AP4M1: variants seen among roughly 807,000 people sequenced by gnomAD.
The protein encoded by AP4M1 is AP-4 complex subunit mu-1.
Under a neutral mutation model 62.4 loss-of-function variants are expected in AP4M1, and 58 were observed. The ratio of observed to expected loss-of-function variants is 0.93; its 90% CI spans 0.75 to 1.16. The LOEUF (loss-of-function observed/expected upper bound fraction) is 1.16. Ranked by LOEUF, AP4M1 falls within the 50% of genes most tolerant of loss-of-function variation. The pLI, the probability that AP4M1 is intolerant of heterozygous loss-of-function variation, is 0.00. For missense variants in AP4M1, 626 were observed against 585.4 expected, an observed-to-expected ratio of 1.07 and a Z score of -0.72; for synonymous variants, 290 against 239.7, an observed-to-expected ratio of 1.21 and a Z score of -1.94.
At chr7:100,104,777 G>A (rs1796324216) in intron 7 of AP4M1, 97 bp from the exon 8 acceptor site, 1 of 1,379,216 alleles carries the variant, frequency 7.3e-7, no homozygotes, top group Non-Finnish European at 1.0e-6. Flanking sequence ...GTTGCAGTGA[G>A]CCGAGATCAC....
Position 100,108,805 on chromosome 7 carries a change from TG to T in AP4M1, c.*1926del. ...TATCCCAGCACTTGGGAGGCTGAGG[TG>T]GGTGGATCACTTGAGGTCAAGAGCC... On this transcript the variant is annotated 3_prime_UTR_variant, in exon 15 of 15. Coordinates refer to ENST00000359593, the MANE Select transcript of AP4M1 (RefSeq NM_004722.4). 3.1e-6 allele frequency: 1 copy of T among 324,094 alleles called. No homozygotes were observed. Among genetic ancestry groups the T allele is most frequent in the Non-Finnish European group, 5.6e-6 (1 of 177,272 alleles). The allele number at this position is 324,094 out of a possible 1,614,324, so 20.1% of individuals were successfully genotyped here. A position where few individuals can be genotyped will look rare whatever the true frequency, so the allele number is the denominator to read the frequency against.
Position 100,108,397 on chromosome 7 carries a change from C to T in AP4M1, c.*1515C>T. 6.2e-7 allele frequency: 1 copy of T among 1,612,022 alleles called. No homozygotes were observed. The highest frequency in any genetic ancestry group is 8.5e-7 in the Non-Finnish European group (1 of 1,178,482). On this transcript the variant is annotated 3_prime_UTR_variant, in exon 15 of 15. Coordinates refer to ENST00000359593, the MANE Select transcript of AP4M1 (RefSeq NM_004722.4). ...TGATGGTCAGAGTGGTCCTGTTGAC[C>T]TGCTGAGCCTGCAGAGCAGCCTGGG...
At chr7:100,102,606 G>A (rs1306284029) in intron 2 of AP4M1, 69 bp from the exon 3 acceptor site, 2 of 1,403,576 alleles carry the variant, frequency 1.4e-6, no homozygotes, top group African/African-American at 2.8e-5. Flanking sequence ...TCCGAGCTCA[G>A]GTCTCCTGGG....
At chr7:100,100,974 G>T, upstream of AP4M1, 5 of 961,268 alleles carry the variant, frequency 5.2e-6, no homozygotes, top group Non-Finnish European at 7.2e-6. Flanking sequence ...TCCTGGGCGC[G>T]ACTTTTCCCT....
At chr7:100,102,584 G>C in intron 2 of AP4M1, 91 bp from the exon 3 acceptor site, 1 of 1,093,036 alleles carries the variant, frequency 9.1e-7, no homozygotes, top group Non-Finnish European at 1.4e-6. Flanking sequence ...TGACTAGTAA[G>C]AGGCATCGGG....
At position 100,106,675 on chromosome 7, in the gene AP4M1, C is replaced by T; in HGVS notation, c.1155C>T (p.Pro385=). The T allele has an allele frequency of 6.2e-7, 1 of 1,613,464 alleles. No individual in the cohort carries two copies. The highest frequency in any genetic ancestry group is 8.5e-7 in the Non-Finnish European group (1 of 1,180,008). The change falls in exon 15 of 15, where the codon CCC becomes CCT. Residue 385 remains proline (P), a synonymous_variant. Coordinates refer to ENST00000359593, the MANE Select transcript of AP4M1 (RefSeq NM_004722.4). Reference sequence around the variant, plus strand: ...CCTCACAGATGGACGTCCCAGGGCCCCCAGGACCTCCCAGCCATGGGCTCT... The same window carrying T: ...CCTCACAGATGGACGTCCCAGGGCCTCCAGGACCTCCCAGCCATGGGCTCT... ...SGLFQMDVPG[P]PGPPSHGLST...
Position 100,101,743 on chromosome 7 carries a change from C to T in AP4M1, c.29C>T (p.Ser10Phe). 1 of 1,613,900 alleles carries T rather than the reference C, an allele frequency of 6.2e-7. No homozygotes were observed. The highest frequency in any genetic ancestry group is 1.1e-5 in the South Asian group (1 of 91,080). ...ATTTCCCAATTCTTCATTCTGTCCT[C>T]CAAGGGGGACCCGCTCATCTACAAA... is the stretch of plus-strand genomic sequence containing the variant. MISQFFILS[S>F]KGDPLIYKDF... Residue 10 changes from serine (S) to phenylalanine (F), a missense_variant, in exon 1 of 15, where the codon TCC (serine) becomes TTC (phenylalanine). By Grantham distance (155) the Ser-to-Phe change is radical. Transcript: ENST00000359593.
In AP4M1 at chr7:100,108,070, A is replaced by C. The variant is rs754052943; in HGVS notation, c.*1188A>C. On this transcript the variant is annotated 3_prime_UTR_variant, in exon 15 of 15. Coordinates refer to ENST00000359593, the MANE Select transcript of AP4M1 (RefSeq NM_004722.4). ...TGGAGCCAGGAACCTTCAGCAAGCCAGGGGTGCGAGGGCCAGGCTGTGGGG... is the reference window on the plus strand; with the variant it reads ...TGGAGCCAGGAACCTTCAGCAAGCCCGGGGTGCGAGGGCCAGGCTGTGGGG... The C allele has an allele frequency of 1.1e-5, 18 of 1,611,912 alleles. No homozygotes were observed. Among genetic ancestry groups the C allele is most frequent in the Non-Finnish European group, 1.5e-5 (18 of 1,179,568 alleles).
rs201837123 is a variant in AP4M1 at position 100,103,402 on chromosome 7, C to T, written c.352-7C>T. 5 of 1,611,134 alleles carry T rather than the reference C, an allele frequency of 3.1e-6. No homozygotes were observed. Among genetic ancestry groups the T allele is most frequent in the Admixed American group, 3.3e-5 (2 of 59,978 alleles). The stretch of plus-strand genomic sequence containing the variant: ...GATCACTCAGACTGTCCTTCCTTTA[C>T]CACTAGGACTATGGCTATGTACAGA... On this transcript the variant is annotated splice_region_variant and splice_polypyrimidine_tract_variant and intron_variant, in intron 4 of 14. Transcript: ENST00000359593.
At chr7:100,103,369 C>T in intron 4 of AP4M1, 40 bp from the exon 5 acceptor site, 4 of 1,561,080 alleles carry the variant, frequency 2.6e-6, no homozygotes, top group South Asian at 1.1e-5. Flanking sequence ...TTACCCCTTC[C>T]CTCCACTGAT....
At chr7:100,104,006 G>GA (rs1796272594) in intron 6 of AP4M1, 86 bp from the exon 7 acceptor site, 1 of 1,212,362 alleles carries the variant, frequency 8.2e-7, no homozygotes. Context: ...CTGTAGCTTT[G>GA]ACTGTCCTGT....
chr7:100,105,331 AC>A lies in AP4M1; in HGVS notation c.821del (p.Pro274HisfsTer6). 6.2e-7 allele frequency: 1 copy of A among 1,613,966 alleles called. No individual in the cohort carries two copies. Among genetic ancestry groups the A allele is most frequent in the Non-Finnish European group, 8.5e-7 (1 of 1,179,980 alleles). On this transcript the variant is annotated frameshift_variant, in exon 10 of 15. Transcript: ENST00000359593. LOFTEE classifies it high-confidence loss of function. ...FESHRILRLQ[P>X]PQGELTVMRY... is the part of the protein sequence containing the mutation. ...AGTCTCATCGAATCCTCCGCTTGCAACCACCTCAGGGCGAGGTCAGGGTTGG... is the reference window on the plus strand; with the variant it reads ...AGTCTCATCGAATCCTCCGCTTGCAACACCTCAGGGCGAGGTCAGGGTTGG...
rs149326211 is a variant in AP4M1, at chr7:100,106,271, C to A, written c.1005C>A (p.Pro335=). 2.5e-6 allele frequency: 4 copies of A among 1,613,996 alleles called. No individual in the cohort carries two copies. The East Asian group carries it at 6.7e-5, about 27-fold the overall frequency. ...SQALNVRLHL[P]LPRGVVSLSQ... is the part of the protein sequence containing the mutation. Reference sequence around the variant, plus strand: ...CCCTCAATGTCAGGCTGCACCTCCCCCTGCCTCGAGGGGTGGTCAGGTGAG... The same window carrying A: ...CCCTCAATGTCAGGCTGCACCTCCCACTGCCTCGAGGGGTGGTCAGGTGAG... The change falls in exon 13 of 15, where the codon CCC becomes CCA. Residue 335 remains proline (P), a synonymous_variant. Transcript: ENST00000359593.
At chr7:100,106,077 C>T in intron 12 of AP4M1, 74 bp downstream of exon 12, 1 of 1,573,876 alleles carries the variant, frequency 6.4e-7, no homozygotes, top group Non-Finnish European at 8.7e-7. Flanking sequence ...TGCTGCTTCT[C>T]CCTTCAGATG....
Position 100,104,960 on chromosome 7 carries a change from G to A in AP4M1, c.673+20G>A. 1 of 1,614,190 alleles carries A rather than the reference G, an allele frequency of 6.2e-7. No homozygotes were observed. The highest frequency in any genetic ancestry group is 8.5e-7 in the Non-Finnish European group (1 of 1,180,028). On this transcript the variant is annotated intron_variant, in intron 8 of 14. Coordinates refer to ENST00000359593, the MANE Select transcript of AP4M1 (RefSeq NM_004722.4). ...GCTCTGGTGAGGCATCTGCAGGCAG[G>A]ACCAAGGGTTGGGGTTAGGGCGGGT...
chr7:100,107,230 G>A lies in AP4M1; in HGVS notation c.*348G>A, dbSNP rs781181541. The A allele has an allele frequency of 4.6e-6, 7 of 1,520,136 alleles. No individual in the cohort carries two copies. The highest frequency in any genetic ancestry group is 6.2e-6 in the Non-Finnish European group (7 of 1,137,156). The allele number at this position is 1,520,136 out of a possible 1,614,324, so 94.2% of individuals were successfully genotyped here. On this transcript the variant is annotated 3_prime_UTR_variant, in exon 15 of 15. Transcript: ENST00000359593. ...TGTCTGCATGTGTGGGAATCCGGGG[G>A]CTGGCAGGTGGAGCATCACGGAGCA...
upstream of AP4M1, chr7:100,100,969 G>A: frequency 2.0e-6 from 2 of 1,008,056 alleles, no homozygotes; most frequent in East Asian, 3.2e-5. Context: ...TGAGGTCCTG[G>A]GCGCGACTTT....
chr7:100,107,623 C>T lies in AP4M1; in HGVS notation c.*741C>T, dbSNP rs1209677379. On this transcript the variant is annotated 3_prime_UTR_variant, in exon 15 of 15. Coordinates refer to ENST00000359593, the MANE Select transcript of AP4M1 (RefSeq NM_004722.4). ...GGGGCCGAGGTGCTGAGGGACAGGA[C>T]CTGGATAGAAAGGAAAGGCAGGCCG... 6.2e-7 allele frequency: 1 copy of T among 1,611,262 alleles called. No individual in the cohort carries two copies. Among genetic ancestry groups the T allele is most frequent in the South Asian group, 1.1e-5 (1 of 90,962 alleles).
rs777352543 is a variant in AP4M1 at position 100,105,343 on chromosome 7, C to T, written c.831C>T (p.Gly277=). The T allele has an allele frequency of 4.3e-6, 7 of 1,613,832 alleles. No individual in the cohort carries two copies. Among genetic ancestry groups the T allele is most frequent in the South Asian group, 3.3e-5 (3 of 91,084 alleles). Residue 277 remains glycine (G), a synonymous_variant, in exon 10 of 15, where the codon GGC becomes GGT. Transcript: ENST00000359593. The part of the protein sequence containing the change: ...HRILRLQPPQ[G]ELTVMRYQLS... ...TCCTCCGCTTGCAACCACCTCAGGG[C>T]GAGGTCAGGGTTGGGGTGGCCTCAT...
Sources: allele counts gnomAD v4.1 joint callset, GRCh38; gene constraint gnomAD v4.1.1; transcripts MANE v1.5; gene names NCBI Gene and HGNC (gene_info 2026-07-23, HGNC 2026-07-21).